RALGPS1: variants seen among roughly 807,000 people sequenced by gnomAD.
RALGPS1 encodes the protein ras-specific guanine nucleotide-releasing factor RalGPS1.
In RALGPS1, 19 loss-of-function variants were observed where a neutral mutation model predicts 78.8. That is an observed-to-expected ratio of 0.24 (90% CI 0.17 to 0.35). The LOEUF (loss-of-function observed/expected upper bound fraction) is 0.35, where lower values mean the gene tolerates loss of function less well. Ranked by LOEUF, RALGPS1 falls within the 10% of genes least tolerant of loss-of-function variation. The pLI, the probability that RALGPS1 is intolerant of heterozygous loss-of-function variation, is 1.00. For missense variants in RALGPS1, 454 were observed against 688.3 expected, an observed-to-expected ratio of 0.66 and a Z score of 3.81; for synonymous variants, 228 against 256.3, an observed-to-expected ratio of 0.89 and a Z score of 1.06.
intron 11 of RALGPS1, among the ~76,000 whole-genome samples, chr9:127,188,137 C>G (rs1375611830): frequency 1.4e-5 from 2 of 141,726 alleles, no homozygotes; most frequent in African/African-American, 2.6e-5. Context: ...TCTAGGCTCA[C>G]TGCAACCTCT....
At chr9:127,154,083 A>G (rs2058581251) in intron 8 of RALGPS1, among the ~76,000 whole-genome samples, 1 of 152,224 alleles carries the variant, frequency 6.6e-6, no homozygotes, top group Non-Finnish European at 1.5e-5. Context: ...CCACCACACA[A>G]GACCAGACTA....
chr9:127,199,031 A>G lies in RALGPS1; in HGVS notation c.1212A>G (p.Ser404=), dbSNP rs768052029. Residue 404 remains serine, a synonymous_variant, in exon 14 of 19, where the codon TCA becomes TCG. Transcript: ENST00000259351. ...CTTTTCCAGGCAGTAGTGAGAGCTC[A>G]GAGTTTAGTGAAGAGATGTCTTCAG... The part of the protein sequence containing the change: ...NGLSLGSSES[S]EFSEEMSSGL... The G allele has an allele frequency of 1.1e-5, 17 of 1,614,070 alleles. No individual in the cohort carries two copies. The highest frequency in any genetic ancestry group is 1.4e-5 in the Non-Finnish European group (17 of 1,179,946).
chr9:127,047,485 G>T (rs959015046), intron 5 of RALGPS1, among the ~76,000 whole-genome samples: 1 of 152,112 alleles, frequency 6.6e-6, no homozygotes, highest in Non-Finnish European at 1.5e-5. Flanking sequence ...GATCACCTGA[G>T]GTCAGGAGTT....
At chr9:126,991,115 C>T (rs904601098) in intron 4 of RALGPS1, among the ~76,000 whole-genome samples, 7 of 152,168 alleles carry the variant, frequency 4.6e-5, no homozygotes, top group Non-Finnish European at 7.3e-5. Context: ...AATTTGTTAC[C>T]GCTCTGAGTT....
intron 2 of RALGPS1, among the ~76,000 whole-genome samples, chr9:126,964,235 G>A (rs1453411808): frequency 6.6e-6 from 1 of 151,996 alleles, no homozygotes; most frequent in African/African-American, 2.4e-5. Context: ...GCGGGTGCCT[G>A]TAATCCCAGC....
intron 4 of RALGPS1, among the ~76,000 whole-genome samples, chr9:127,002,237 G>T (rs1167201516): frequency 1.3e-5 from 2 of 151,918 alleles, no homozygotes; most frequent in African/African-American, 4.8e-5. Context: ...CATTTTGTCT[G>T]GCTTCTTTCA....
intron 8 of RALGPS1, among the ~76,000 whole-genome samples, chr9:127,090,258 G>A (rs2052305051): frequency 6.6e-6 from 1 of 152,236 alleles, no homozygotes; most frequent in Non-Finnish European, 1.5e-5. Flanking sequence ...GGCTAGATCT[G>A]AGTTTGGATC....
intron 4 of RALGPS1, among the ~76,000 whole-genome samples, chr9:127,022,483 G>A (rs2045553702): frequency 6.6e-6 from 1 of 150,968 alleles, no homozygotes; most frequent in Non-Finnish European, 1.5e-5. Flanking sequence ...AGCCACCTCT[G>A]CCCAGTCCCT....
At chr9:127,056,399 C>T (rs1454889781) in intron 7 of RALGPS1, among the ~76,000 whole-genome samples, 1 of 152,176 alleles carries the variant, frequency 6.6e-6, no homozygotes, top group African/African-American at 2.4e-5. Flanking sequence ...GTGTGGATTA[C>T]AGCATGAGGT....
intron 8 of RALGPS1, among the ~76,000 whole-genome samples, chr9:127,115,547 C>T (rs1378441062): frequency 6.6e-6 from 1 of 152,174 alleles, no homozygotes; most frequent in Non-Finnish European, 1.5e-5. Flanking sequence ...AAGGTTAGGT[C>T]GCTTGTTCAA....
intron 8 of RALGPS1, among the ~76,000 whole-genome samples, chr9:127,112,580 T>C (rs1016906063): frequency 4.6e-5 from 7 of 152,250 alleles, no homozygotes; most frequent in Admixed American, 2.0e-4. Context: ...CTCCCAAACA[T>C]GGGCTCTCAC....
chr9:127,075,502 T>C (rs2050597137), intron 8 of RALGPS1, among the ~76,000 whole-genome samples: 1 of 152,236 alleles, frequency 6.6e-6, no homozygotes, highest in Non-Finnish European at 1.5e-5. Context: ...TGTATTCTTC[T>C]CAAAAATGCA....
Position 126,977,829 on chromosome 9 carries a change from T to C in RALGPS1, c.216+84T>C. ...GCCAGCCACTGTTAGAGTGTCTCAG[T>C]TTCTCTCTTGCAGGCTCTATAAATG... On this transcript the variant is annotated intron_variant, in intron 4 of 18. Coordinates refer to ENST00000259351, the MANE Select transcript of RALGPS1 (RefSeq NM_014636.3). 3 of 936,016 alleles carry C rather than the reference T, an allele frequency of 3.2e-6. 1 individual carries two copies. The South Asian group carries it at 4.8e-5, about 15-fold the overall frequency. The allele number at this position is 936,016 out of a possible 1,614,324, so 58.0% of individuals were successfully genotyped here.
intron 4 of RALGPS1, among the ~76,000 whole-genome samples, chr9:127,002,606 C>T (rs1479170837): frequency 7.1e-4 from 83 of 117,320 alleles, no homozygotes; most frequent in Non-Finnish European, 8.0e-4. Context: ...CTCCCCCCAC[C>T]CCACCACAGT....
At chr9:127,191,636 T>C (rs866745969) in intron 11 of RALGPS1, among the ~76,000 whole-genome samples, 53 of 152,300 alleles carry the variant, frequency 3.5e-4, no homozygotes, top group African/African-American at 1.3e-3. Context: ...AGAATAGTCT[T>C]GGCTACTCTG....
At chr9:127,097,848 A>C (rs765920524) in intron 8 of RALGPS1, among the ~76,000 whole-genome samples, 2 of 152,204 alleles carry the variant, frequency 1.3e-5, no homozygotes, top group African/African-American at 2.4e-5. Context: ...TCCAATCTCG[A>C]TGGCCTCACC....
At chr9:126,933,182 C>T (rs538714119) in intron 1 of RALGPS1, among the ~76,000 whole-genome samples, 9 of 151,998 alleles carry the variant, frequency 5.9e-5, no homozygotes, top group African/African-American at 9.6e-5. Flanking sequence ...CAGAGACCAG[C>T]GAGGCTAAGG....
At chr9:126,976,400 C>CAT (rs1329193067) in intron 3 of RALGPS1, among the ~76,000 whole-genome samples, 1 of 146,676 alleles carries the variant, frequency 6.8e-6, no homozygotes, top group African/African-American at 2.4e-5. Context: ...CTCACATTCA[C>CAT]AGTCACACAC....
intron 3 of RALGPS1, among the ~76,000 whole-genome samples, chr9:126,968,084 C>T (rs982805599): frequency 1.3e-5 from 2 of 148,488 alleles, no homozygotes; most frequent in East Asian, 4.1e-4. Context: ...CTCACTGAAA[C>T]TTCCGCCTCC....
Sources: allele counts gnomAD v4.1 joint callset (sites outside exome capture counted in the v4.1 genomes callset), GRCh38; gene constraint gnomAD v4.1.1; transcripts MANE v1.5; gene names NCBI Gene and HGNC (gene_info 2026-07-23, HGNC 2026-07-21).